The following PCDH11X variants were observed in gnomAD, a reference collection of about 807,000 sequenced individuals.
PCDH11X encodes protocadherin 11 X-linked, also known as protocadherin-11 X-linked.
In PCDH11X, 18 loss-of-function variants were observed where a neutral mutation model predicts 53.3. The observed-to-expected ratio is 0.34, with a 90% CI of 0.23 to 0.50. The LOEUF (loss-of-function observed/expected upper bound fraction) is 0.50, where lower values mean the gene tolerates loss of function less well. Among genes scored for constraint, PCDH11X ranks in the 20% least tolerant of loss-of-function variants. PCDH11X has a pLI of 0.98. For missense variants in PCDH11X, 570 were observed against 1,032.4 expected (o/e 0.55, Z 6.14); for synonymous variants, 279 against 393.3 (o/e 0.71, Z 3.44).
chrX:92,105,617 C>G (rs1412063010), intron 6 of PCDH11X, among the ~76,000 whole-genome samples: 2 of 104,400 alleles, frequency 1.9e-5, no homozygotes, highest in Non-Finnish European at 3.9e-5. Context: ...GGGGTTTGTT[C>G]TCTGGCGGGT....
chrX:92,469,637 C>T (rs183550899), intron 10 of PCDH11X, among the ~76,000 whole-genome samples: 51 of 111,269 alleles, frequency 4.6e-4, no homozygotes, highest in African/African-American at 1.6e-3. Context: ...TTCAGTTTTC[C>T]AGGAAGTATT....
intron 10 of PCDH11X, among the ~76,000 whole-genome samples, chrX:92,537,650 C>CAAAAA (rs77743001): frequency 1.3e-5 from 1 of 75,071 alleles, no homozygotes; most frequent in Non-Finnish European, 2.6e-5. Context: ...ATAACACTGG[C>CAAAAA]AAAAAAAAAA....
At chrX:92,347,169 T>C (rs1339762143) in intron 8 of PCDH11X, among the ~76,000 whole-genome samples, 1 of 111,942 alleles carries the variant, frequency 8.9e-6, no homozygotes, top group Non-Finnish European at 1.9e-5. Context: ...TGTGGACATA[T>C]CTGTGTATGT....
At chrX:91,902,037 T>A (rs1940973706) in intron 6 of PCDH11X, among the ~76,000 whole-genome samples, 1 of 111,690 alleles carries the variant, frequency 9.0e-6, no homozygotes, top group Non-Finnish European at 1.9e-5. Context: ...TATGTCATAT[T>A]TTTGGAGCAA....
At position 92,555,046 on chromosome X, in the gene PCDH11X, C is replaced by A. The variant is rs111739453; in HGVS notation, c.3368-63218C>A. On this transcript the variant is annotated intron_variant, in intron 10 of 10. Transcript: ENST00000682573. ...TCAGAGCCTGAGTAGCAGGGTTTCGCGACGTATATTTTTGTTTCTGCAATG... is the reference window on the plus strand; with the variant it reads ...TCAGAGCCTGAGTAGCAGGGTTTCGAGACGTATATTTTTGTTTCTGCAATG... Among the ~76,000 whole-genome samples, 662 of 111,593 alleles carry A rather than the reference C, an allele frequency of 5.9e-3. 7 individuals are homozygous for A. The highest frequency in any genetic ancestry group is 0.02 in the African/African-American group (630 of 30,752).
At chrX:91,822,955 T>A (rs1936751586) in intron 4 of PCDH11X, among the ~76,000 whole-genome samples, 1 of 110,511 alleles carries the variant, frequency 9.0e-6, no homozygotes, top group African/African-American at 3.3e-5. Flanking sequence ...CAGGAGCAGG[T>A]TGTTCAGTTT....
At chrX:91,973,613 C>CT (rs750179369) in intron 6 of PCDH11X, among the ~76,000 whole-genome samples, 1,773 of 88,270 alleles carry the variant, frequency 0.02, 29 homozygotes, top group Non-Finnish European at 0.03. Context: ...GTATATACAA[C>CT]TTTTTTTTTT....
At chrX:92,557,498 G>T (rs2075064256) in intron 10 of PCDH11X, among the ~76,000 whole-genome samples, 1 of 111,195 alleles carries the variant, frequency 9.0e-6, no homozygotes. Flanking sequence ...CAATACCCAA[G>T]AAATTTTTTA....
At chrX:92,502,431 A>C (rs1002241777) in intron 10 of PCDH11X, among the ~76,000 whole-genome samples, 17 of 109,533 alleles carry the variant, frequency 1.6e-4, no homozygotes, top group Non-Finnish European at 2.9e-4. Context: ...CCATAGCAAA[A>C]AGAACAAAGC....
At chrX:91,906,959 A>C (rs781075935) in intron 6 of PCDH11X, among the ~76,000 whole-genome samples, 1 of 111,005 alleles carries the variant, frequency 9.0e-6, no homozygotes, top group Non-Finnish European at 1.9e-5. Flanking sequence ...TCAAAGAAGG[A>C]TAAATCACTT....
intron 7 of PCDH11X, among the ~76,000 whole-genome samples, chrX:92,215,621 G>C (rs1436821448): frequency 1.4e-5 from 1 of 70,058 alleles, no homozygotes; most frequent in Non-Finnish European, 2.9e-5. Context: ...ACTTCTGGGG[G>C]CAGGGCACAG....
chrX:92,277,631 G>A (rs1464775534), intron 8 of PCDH11X, among the ~76,000 whole-genome samples: 1 of 108,270 alleles, frequency 9.2e-6, no homozygotes, highest in African/African-American at 3.4e-5. Flanking sequence ...AGAGGTCGGG[G>A]CATGGAAATA....
chrX:92,507,823 T>A (rs2148703780), intron 10 of PCDH11X, among the ~76,000 whole-genome samples: 1 of 108,344 alleles, frequency 9.2e-6, no homozygotes, highest in Non-Finnish European at 1.9e-5. Context: ...ACAGGAACAT[T>A]TTTTTTTTAA....
At chrX:92,506,216 C>CTTTTTT (rs1180678297) in intron 10 of PCDH11X, among the ~76,000 whole-genome samples, 2,426 of 39,803 alleles carry the variant, frequency 0.061, 27 homozygotes, top group Non-Finnish European at 0.068. Context: ...CTTTTCTTTT[C>CTTTTTT]TTTTTTTTTT....
intron 6 of PCDH11X, among the ~76,000 whole-genome samples, chrX:92,073,948 A>T (rs1311356069): frequency 3.6e-5 from 4 of 112,214 alleles, no homozygotes; most frequent in African/African-American, 1.3e-4. Flanking sequence ...TGCTGTTTGC[A>T]AGTGTTTCAT....
At chrX:92,435,265 A>C (rs896306220) in intron 9 of PCDH11X, among the ~76,000 whole-genome samples, 1 of 111,148 alleles carries the variant, frequency 9.0e-6, no homozygotes, top group African/African-American at 3.3e-5. Flanking sequence ...AATGGACAAA[A>C]TCTCTGAGAA....
chrX:92,114,311 C>A (rs1170219227), intron 6 of PCDH11X: 2 of 924,629 alleles, frequency 2.2e-6, no homozygotes, highest in Non-Finnish European at 1.6e-6. Context: ...TTCTCAAAAC[C>A]ATAGGCATAG....
At chrX:92,231,954 CTA>C (rs770028060) in intron 7 of PCDH11X, among the ~76,000 whole-genome samples, 126 of 111,479 alleles carry the variant, frequency 1.1e-3, no homozygotes, top group African/African-American at 3.9e-3. Context: ...TCCAATGTGA[CTA>C]TGTAGAGTAA....
intron 6 of PCDH11X, among the ~76,000 whole-genome samples, chrX:92,097,040 A>G (rs148941506): frequency 0.021 from 2,356 of 111,697 alleles, 64 homozygotes; most frequent in African/African-American, 0.073. Context: ...TTTAGCTAAT[A>G]AGAAGGTATA....
Sources: allele counts gnomAD v4.1 joint callset (sites outside exome capture counted in the v4.1 genomes callset), GRCh38; gene constraint gnomAD v4.1.1; transcripts MANE v1.5; gene names NCBI Gene and HGNC (gene_info 2026-07-23, HGNC 2026-07-21).